ARHGAP15: variants seen among roughly 807,000 people sequenced by gnomAD.
The protein encoded by ARHGAP15 is rho GTPase-activating protein 15.
ARHGAP15 carries 51 observed loss-of-function variants against 63.7 expected under a neutral mutation model. That is an observed-to-expected ratio of 0.80 (90% confidence interval 0.64 to 1.01). The LOEUF (loss-of-function observed/expected upper bound fraction) is 1.01. Ranked by LOEUF, ARHGAP15 falls within the 50% of genes least tolerant of loss-of-function variation. The pLI, the probability that ARHGAP15 is intolerant of heterozygous loss-of-function variation, is 0.00. For synonymous variants in ARHGAP15, 191 were observed against 193.8 expected (o/e 0.99, Z 0.12); for missense variants, 560 against 564.6 (o/e 0.99, Z 0.08).
rs1406479968 is a variant in ARHGAP15, at chr2:143,636,608, T to C, written c.1138+12341T>C. ...ACTAGAAAAACCACTTTGGTCAATG[T>C]CAGATTTCCAGCAGGATCTTTTTCT... On this transcript the variant is annotated intron_variant, in intron 12 of 13. Coordinates refer to ENST00000295095, the MANE Select transcript of ARHGAP15 (RefSeq NM_018460.4). 4.6e-5 allele frequency among the ~76,000 whole-genome samples: 7 copies of C among 152,266 alleles called. No homozygotes were observed. The East Asian group carries it at 1.4e-3, about 29-fold the overall frequency.
chr2:143,745,312 T>C (rs1430533276), intron 13 of ARHGAP15, among the ~76,000 whole-genome samples: 1 of 152,242 alleles, frequency 6.6e-6, no homozygotes, highest in Non-Finnish European at 1.5e-5. Flanking sequence ...ATCACCCTTT[T>C]ACACTGTGAC....
intron 3 of ARHGAP15, among the ~76,000 whole-genome samples, chr2:143,209,999 G>A (rs1173062917): frequency 1.3e-5 from 2 of 152,090 alleles, no homozygotes; most frequent in Non-Finnish European, 2.9e-5. Flanking sequence ...TATTAATATT[G>A]AGCAATCCTT....
intron 13 of ARHGAP15, among the ~76,000 whole-genome samples, chr2:143,760,144 A>C (rs931702458): frequency 6.6e-6 from 1 of 152,146 alleles, no homozygotes; most frequent in African/African-American, 2.4e-5. Flanking sequence ...GTAAGTACGC[A>C]ATAGATTTTT....
intron 12 of ARHGAP15, among the ~76,000 whole-genome samples, chr2:143,700,135 A>G (rs1157735122): frequency 6.6e-6 from 1 of 152,158 alleles, no homozygotes; most frequent in African/African-American, 2.4e-5. Context: ...TACAAATACC[A>G]TGTGAAGTGT....
At chr2:143,394,296 G>A (rs181758371) in intron 6 of ARHGAP15, among the ~76,000 whole-genome samples, 45 of 152,284 alleles carry the variant, frequency 3.0e-4, no homozygotes, top group Non-Finnish European at 5.1e-4. Context: ...AGATGTCCAA[G>A]GTGACTCAAG....
At chr2:143,552,667 T>C (rs1695622167) in intron 10 of ARHGAP15, among the ~76,000 whole-genome samples, 1 of 152,212 alleles carries the variant, frequency 6.6e-6, no homozygotes, top group Admixed American at 6.5e-5. Context: ...GGTCAGCTGA[T>C]GATGAACGAA....
intron 6 of ARHGAP15, among the ~76,000 whole-genome samples, chr2:143,332,304 A>G (rs1453411158): frequency 2.6e-5 from 4 of 151,994 alleles, no homozygotes; most frequent in African/African-American, 7.3e-5. Context: ...TTTACAAAAC[A>G]GTCTTCCTGG....
chr2:143,279,760 A>G (rs2105078393), intron 6 of ARHGAP15, among the ~76,000 whole-genome samples: 1 of 152,304 alleles, frequency 6.6e-6, no homozygotes, highest in African/African-American at 2.4e-5. Flanking sequence ...GAACACTTTC[A>G]TTAACTATTA....
intron 11 of ARHGAP15, among the ~76,000 whole-genome samples, chr2:143,603,659 C>T (rs970827135): frequency 6.6e-6 from 1 of 152,184 alleles, no homozygotes; most frequent in Non-Finnish European, 1.5e-5. Context: ...TACAAAGAAT[C>T]TTAAAGCTGT....
At chr2:143,536,642 C>T (rs562705722) in intron 10 of ARHGAP15, among the ~76,000 whole-genome samples, 11 of 151,480 alleles carry the variant, frequency 7.3e-5, no homozygotes, top group African/African-American at 2.2e-4. Context: ...TTTGTCCTTG[C>T]AATAGTTTGC....
chr2:143,715,294 A>G (rs992415206), intron 13 of ARHGAP15, among the ~76,000 whole-genome samples: 8 of 152,198 alleles, frequency 5.3e-5, no homozygotes, highest in Non-Finnish European at 1.5e-5. Flanking sequence ...CTGTGATTCA[A>G]TTACCTCCCA....
At chr2:143,258,487 A>G (rs1237635589) in intron 6 of ARHGAP15, among the ~76,000 whole-genome samples, 2 of 152,316 alleles carry the variant, frequency 1.3e-5, no homozygotes, top group South Asian at 2.1e-4. Context: ...GCATCTATGC[A>G]TAGAGTCTCT....
At chr2:143,181,351 A>C (rs1691229168) in intron 2 of ARHGAP15, among the ~76,000 whole-genome samples, 1 of 152,190 alleles carries the variant, frequency 6.6e-6, no homozygotes, top group Non-Finnish European at 1.5e-5. Flanking sequence ...TAACTAGAGA[A>C]TCAGCCTGTC....
intron 5 of ARHGAP15, among the ~76,000 whole-genome samples, chr2:143,242,609 T>C (rs1418338230): frequency 1.3e-5 from 2 of 152,236 alleles, no homozygotes; most frequent in Non-Finnish European, 2.9e-5. Flanking sequence ...TTTATTTTTC[T>C]GAAAATGTGG....
intron 6 of ARHGAP15, among the ~76,000 whole-genome samples, chr2:143,373,738 A>C (rs1013877978): frequency 5.3e-5 from 8 of 151,956 alleles, no homozygotes; most frequent in African/African-American, 1.7e-4. Context: ...GAAAAGTCTC[A>C]GAGAAGCACA....
intron 8 of ARHGAP15, among the ~76,000 whole-genome samples, chr2:143,460,262 C>A (rs1477907021): frequency 6.6e-6 from 1 of 152,092 alleles, no homozygotes; most frequent in Non-Finnish European, 1.5e-5. Context: ...ATGTTTTGCC[C>A]ATGAATATTT....
intron 12 of ARHGAP15, among the ~76,000 whole-genome samples, chr2:143,656,573 G>T (rs924032513): frequency 6.6e-6 from 1 of 152,168 alleles, no homozygotes; most frequent in Non-Finnish European, 1.5e-5. Context: ...AGAAATGACT[G>T]TTTCTTATTC....
At chr2:143,733,731 G>A (rs1223933696) in intron 13 of ARHGAP15, among the ~76,000 whole-genome samples, 2 of 152,126 alleles carry the variant, frequency 1.3e-5, no homozygotes. Context: ...TAGTCTATGA[G>A]ATTATGAGGA....
chr2:143,148,860 A>G (rs1232047053), intron 1 of ARHGAP15, among the ~76,000 whole-genome samples: 1 of 152,058 alleles, frequency 6.6e-6, no homozygotes, highest in Non-Finnish European at 1.5e-5. Context: ...ACAGGGAGAA[A>G]ACAAAAGGAA....
Sources: gnomAD v4.1 joint callset for allele counts (sites outside exome capture counted in the v4.1 genomes callset) on GRCh38, gnomAD v4.1.1 for gene constraint, MANE v1.5 for transcripts, NCBI Gene and HGNC (gene_info 2026-07-23, HGNC 2026-07-21) for gene names.